XKR4: variants seen among roughly 807,000 people sequenced by gnomAD.
XKR4 encodes XK related 4.
In XKR4, 12 loss-of-function variants were observed where a neutral mutation model predicts 53.9. That is an observed-to-expected ratio of 0.22 (90% confidence interval 0.14 to 0.36). The LOEUF (loss-of-function observed/expected upper bound fraction) is 0.36, where lower values mean the gene tolerates loss of function less well. Among genes scored for constraint, XKR4 ranks in the 10% least tolerant of loss-of-function variants. XKR4 has a pLI of 1.00. For missense variants in XKR4, 799 were observed against 859.5 expected, an observed-to-expected ratio of 0.93 and a Z score of 0.88; for synonymous variants, 354 against 362.4, an observed-to-expected ratio of 0.98 and a Z score of 0.26.
intron 1 of XKR4, among the ~76,000 whole-genome samples, chr8:55,219,009 G>GTGT (rs1404557190): frequency 2.3e-5 from 2 of 86,544 alleles, no homozygotes; most frequent in Non-Finnish European, 5.7e-5. Context: ...TCTAGAAGCA[G>GTGT]TCTTTTTTTT....
chr8:55,461,573 C>T (rs565317051), intron 2 of XKR4, among the ~76,000 whole-genome samples: 2 of 152,324 alleles, frequency 1.3e-5, no homozygotes, highest in East Asian at 3.9e-4. Context: ...AGTGCCTCTC[C>T]TTCTCCAAAG....
At chr8:55,294,415 A>G (rs988120221) in intron 1 of XKR4, among the ~76,000 whole-genome samples, 1 of 152,102 alleles carries the variant, frequency 6.6e-6, no homozygotes, top group Non-Finnish European at 1.5e-5. Flanking sequence ...TTTTCAGCAC[A>G]CACGCTAATC....
At chr8:55,379,134 A>G (rs931713947) in intron 2 of XKR4, among the ~76,000 whole-genome samples, 1 of 152,194 alleles carries the variant, frequency 6.6e-6, no homozygotes, top group African/African-American at 2.4e-5. Flanking sequence ...TAGGGCTTAC[A>G]GTCTGGGGGT....
intron 1 of XKR4, among the ~76,000 whole-genome samples, chr8:55,121,833 T>TACACAC (rs35625262): frequency 3.2e-4 from 48 of 148,710 alleles, no homozygotes; most frequent in African/African-American, 1.1e-3. Context: ...AATACAACAT[T>TACACAC]ACACACACAC....
At chr8:55,114,365 A>G (rs1816276471) in intron 1 of XKR4, among the ~76,000 whole-genome samples, 1 of 152,110 alleles carries the variant, frequency 6.6e-6, no homozygotes, top group South Asian at 2.1e-4. Context: ...TTGGCTGCTT[A>G]TATATCTTCT....
chr8:55,445,987 T>C lies in XKR4; in HGVS notation c.1007-77294T>C, dbSNP rs142622829. Among the ~76,000 whole-genome samples, 35 of 152,322 alleles carry C rather than the reference T, an allele frequency of 2.3e-4. 1 individual carries two copies. The East Asian group carries it at 5.8e-3, about 25-fold the overall frequency. ...AGAATCTTCCAAAGAAAAATCTCCTTGTGCTGTGTGAGCCATTTCTGTCTG... is the reference window on the plus strand; with the variant it reads ...AGAATCTTCCAAAGAAAAATCTCCTCGTGCTGTGTGAGCCATTTCTGTCTG... On this transcript the variant is annotated intron_variant, in intron 2 of 2. Transcript: ENST00000327381.
At chr8:55,261,497 C>A (rs13261239) in intron 1 of XKR4, among the ~76,000 whole-genome samples, 23,438 of 152,192 alleles carry the variant, frequency 0.15, 2,159 homozygotes, top group Non-Finnish European at 0.21. Context: ...GGTCAAAGAT[C>A]TTTCATTTTG....
intron 2 of XKR4, among the ~76,000 whole-genome samples, chr8:55,518,951 T>C (rs1806756654): frequency 6.6e-6 from 1 of 152,186 alleles, no homozygotes; most frequent in Admixed American, 6.5e-5. Context: ...AGGAGGCTTG[T>C]TACATGTTTG....
chr8:55,422,238 G>T (rs1213426955), intron 2 of XKR4, among the ~76,000 whole-genome samples: 2 of 152,138 alleles, frequency 1.3e-5, no homozygotes, highest in African/African-American at 4.8e-5. Context: ...TATGCTAAAA[G>T]ATATAAAAAA....
chr8:55,125,446 C>A (rs1273637633), intron 1 of XKR4, among the ~76,000 whole-genome samples: 1 of 152,140 alleles, frequency 6.6e-6, no homozygotes, highest in Non-Finnish European at 1.5e-5. Context: ...GTTGGTCAGG[C>A]TGGTCTCAAA....
intron 2 of XKR4, chr8:55,451,997 G>C (rs1023596589): frequency 2.8e-5 from 22 of 774,176 alleles, no homozygotes; most frequent in Middle Eastern, 4.8e-4. Flanking sequence ...GCTGCCGCCC[G>C]ATGGTCTTCT....
At chr8:55,306,113 C>T (rs774279533) in intron 1 of XKR4, among the ~76,000 whole-genome samples, 4 of 152,086 alleles carry the variant, frequency 2.6e-5, no homozygotes, top group Non-Finnish European at 4.4e-5. Context: ...GGTGTATTTA[C>T]CTGCTCCTAA....
At chr8:55,222,972 G>A (rs1178043155) in intron 1 of XKR4, among the ~76,000 whole-genome samples, 5 of 152,116 alleles carry the variant, frequency 3.3e-5, no homozygotes, top group Admixed American at 3.3e-4. Flanking sequence ...TCCAGTCACT[G>A]TTCAGATTCC....
intron 1 of XKR4, among the ~76,000 whole-genome samples, chr8:55,336,004 C>CCACATATG (rs1456076973): frequency 2.8e-5 from 4 of 144,794 alleles, no homozygotes; most frequent in Non-Finnish European, 6.0e-5. Flanking sequence ...TTACATGAAT[C>CCACATATG]CACATATGTT....
chr8:55,359,970 C>T (rs1388120033), intron 2 of XKR4, among the ~76,000 whole-genome samples: 1 of 152,114 alleles, frequency 6.6e-6, no homozygotes, highest in South Asian at 2.1e-4. Context: ...GTACCACAGG[C>T]GTTGAATGCC....
chr8:55,376,975 C>CACAG (rs1554521135), intron 2 of XKR4, among the ~76,000 whole-genome samples: 64 of 151,404 alleles, frequency 4.2e-4, no homozygotes, highest in African/African-American at 1.5e-3. Context: ...CACACACACA[C>CACAG]AGAGAGAGAG....
intron 2 of XKR4, among the ~76,000 whole-genome samples, chr8:55,408,731 G>C (rs962719458): frequency 2.8e-4 from 43 of 152,310 alleles, no homozygotes; most frequent in African/African-American, 1.0e-3. Flanking sequence ...GCCACAAGCC[G>C]GGTGCGGTGG....
At chr8:55,441,348 G>T (rs1019857273) in intron 2 of XKR4, among the ~76,000 whole-genome samples, 1 of 151,934 alleles carries the variant, frequency 6.6e-6, no homozygotes, top group African/African-American at 2.4e-5. Context: ...AAACTTACAG[G>T]CATTTAATAA....
chr8:55,200,460 TGGTGG>T (rs1817565710), intron 1 of XKR4, among the ~76,000 whole-genome samples: 1 of 152,220 alleles, frequency 6.6e-6, no homozygotes, highest in Non-Finnish European at 1.5e-5. Flanking sequence ...TCAGAACTTT[TGGTGG>T]ATAATTTAGG....
Sources: gnomAD v4.1 joint callset for allele counts (sites outside exome capture counted in the v4.1 genomes callset) on GRCh38, gnomAD v4.1.1 for gene constraint, MANE v1.5 for transcripts, NCBI Gene and HGNC (gene_info 2026-07-23, HGNC 2026-07-21) for gene names.